RALYL: variants seen among roughly 807,000 people sequenced by gnomAD.
RALYL encodes RALY RNA binding protein like, also known as RNA-binding Raly-like protein.
RALYL carries 29 observed loss-of-function variants against 35.1 expected under a neutral mutation model. The ratio of observed to expected loss-of-function variants is 0.83; its 90% CI spans 0.61 to 1.13. The LOEUF (loss-of-function observed/expected upper bound fraction) is 1.13, where lower values mean the gene tolerates loss of function less well. Ranked by LOEUF, RALYL falls within the 50% of genes most tolerant of loss-of-function variation. The probability of loss-of-function intolerance (pLI) is 0.00; values close to 1 mark genes in which losing one functional copy is unlikely to be tolerated. For missense variants in RALYL, 359 were observed against 360.4 expected (o/e 1.00, Z 0.03); for synonymous variants, 120 against 127.6 (o/e 0.94, Z 0.40).
At chr8:84,503,975 G>A (rs1455114426) in intron 1 of RALYL, among the ~76,000 whole-genome samples, 4 of 152,006 alleles carry the variant, frequency 2.6e-5, no homozygotes, top group Non-Finnish European at 5.9e-5. Context: ...AATTCAGACA[G>A]ACATGAAATC....
chr8:84,664,780 G>T (rs1253820197), intron 2 of RALYL, among the ~76,000 whole-genome samples: 1 of 151,878 alleles, frequency 6.6e-6, no homozygotes, highest in Non-Finnish European at 1.5e-5. Context: ...AAACAGGGAT[G>T]GTTTGACTTC....
At chr8:84,354,768 T>C (rs1234508899) in intron 1 of RALYL, among the ~76,000 whole-genome samples, 2 of 150,164 alleles carry the variant, frequency 1.3e-5, no homozygotes, top group African/African-American at 5.0e-5. Context: ...GCTAAAAGCT[T>C]ATGTCTATTT....
chr8:84,618,017 G>A lies in RALYL; in HGVS notation c.256+88440G>A, dbSNP rs146884771. 3.8e-3 allele frequency among the ~76,000 whole-genome samples: 577 copies of A among 151,848 alleles called. 18 individuals are homozygous for A. Among genetic ancestry groups the A allele is most frequent in the African/African-American group, 0.013 (553 of 41,176 alleles). On this transcript the variant is annotated intron_variant, in intron 2 of 8. Coordinates refer to ENST00000521268, the MANE Select transcript of RALYL (RefSeq NM_173848.7). ...TGCCAGCATTTTATTGAGGATTTTT[G>A]CATTAATGTTCATCAAGGATATTGG...
intron 2 of RALYL, among the ~76,000 whole-genome samples, chr8:84,604,342 A>G (rs551391710): frequency 2.0e-4 from 30 of 151,838 alleles, no homozygotes; most frequent in African/African-American, 6.8e-4. Flanking sequence ...GTTTATCTCA[A>G]CCACTTTTAT....
intron 8 of RALYL, among the ~76,000 whole-genome samples, chr8:84,892,601 A>C (rs1181419315): frequency 1.3e-5 from 2 of 149,480 alleles, no homozygotes; most frequent in Non-Finnish European, 3.0e-5. Context: ...CAGAGCAAAA[A>C]CTCTGTCTTA....
chr8:84,798,846 GA>G (rs1822531427), intron 3 of RALYL, among the ~76,000 whole-genome samples: 1 of 152,150 alleles, frequency 6.6e-6, no homozygotes, highest in Non-Finnish European at 1.5e-5. Flanking sequence ...CAGGATGCGG[GA>G]AAGCAAAATG....
chr8:84,588,497 C>A, intron 2 of RALYL, among the ~76,000 whole-genome samples: 1 of 152,162 alleles, frequency 6.6e-6, no homozygotes, highest in South Asian at 2.1e-4. Flanking sequence ...TGTAACAGAG[C>A]AATGTTCTCT....
At chr8:84,691,025 A>C (rs1837933402) in intron 2 of RALYL, among the ~76,000 whole-genome samples, 1 of 152,148 alleles carries the variant, frequency 6.6e-6, no homozygotes. Flanking sequence ...AGGTTAAAAG[A>C]AAAAGAAATC....
chr8:84,269,119 T>G (rs185066326), intron 1 of RALYL, among the ~76,000 whole-genome samples: 1 of 152,314 alleles, frequency 6.6e-6, no homozygotes, highest in Admixed American at 6.5e-5. Flanking sequence ...ATTCATTATT[T>G]TTCTAAATAT....
At chr8:84,664,262 G>GT (rs750256632) in intron 2 of RALYL, among the ~76,000 whole-genome samples, 4 of 43,060 alleles carry the variant, frequency 9.3e-5, no homozygotes, top group Admixed American at 3.2e-4. Context: ...GATGCCTCTA[G>GT]ATTTTTTTTT....
chr8:84,383,617 G>T (rs1166635960), intron 1 of RALYL, among the ~76,000 whole-genome samples: 1 of 151,636 alleles, frequency 6.6e-6, no homozygotes, highest in East Asian at 1.9e-4. Context: ...GTGAAGAAAA[G>T]ATTGCACCCA....
At chr8:84,764,930 A>G (rs1813548444) in intron 2 of RALYL, among the ~76,000 whole-genome samples, 1 of 152,226 alleles carries the variant, frequency 6.6e-6, no homozygotes, top group African/African-American at 2.4e-5. Context: ...ATTTTCGCTC[A>G]AAATGCTACA....
chr8:84,473,148 A>G (rs1406417080), intron 1 of RALYL, among the ~76,000 whole-genome samples: 3 of 152,086 alleles, frequency 2.0e-5, no homozygotes, highest in South Asian at 2.1e-4. Flanking sequence ...TTATTTTTGA[A>G]GCTGACTAAA....
intron 2 of RALYL, among the ~76,000 whole-genome samples, chr8:84,562,765 G>A (rs975063776): frequency 2.0e-5 from 3 of 151,886 alleles, no homozygotes; most frequent in Admixed American, 6.6e-5. Context: ...TACTGAATCA[G>A]ATTCTGCATT....
chr8:84,757,843 T>C (rs1811790621), intron 2 of RALYL, among the ~76,000 whole-genome samples: 1 of 152,158 alleles, frequency 6.6e-6, no homozygotes, highest in Admixed American at 6.6e-5. Flanking sequence ...GTCATTAAGC[T>C]TTAAAAATTT....
intron 1 of RALYL, among the ~76,000 whole-genome samples, chr8:84,271,611 T>C (rs1353052833): frequency 6.6e-6 from 1 of 151,874 alleles, no homozygotes; most frequent in Non-Finnish European, 1.5e-5. Flanking sequence ...ATCTTGTGAA[T>C]GGGTGAATAA....
At chr8:84,239,538 CAT>C (rs2131547868) in intron 1 of RALYL, among the ~76,000 whole-genome samples, 1 of 152,196 alleles carries the variant, frequency 6.6e-6, no homozygotes, top group African/African-American at 2.4e-5. Flanking sequence ...GAAACTGAGA[CAT>C]AGGTTAATAG....
chr8:84,388,244 G>T (rs1156826982), intron 1 of RALYL, among the ~76,000 whole-genome samples: 1 of 152,034 alleles, frequency 6.6e-6, no homozygotes, highest in African/African-American at 2.4e-5. Flanking sequence ...GTCTATCATT[G>T]TTGGACATTT....
chr8:84,768,363 C>T (rs960582831), intron 2 of RALYL, among the ~76,000 whole-genome samples: 4 of 152,146 alleles, frequency 2.6e-5, no homozygotes, highest in East Asian at 1.9e-4. Flanking sequence ...AGGGACTGCT[C>T]GTTCATTCGA....
Sources: allele counts gnomAD v4.1 joint callset (sites outside exome capture counted in the v4.1 genomes callset), GRCh38; gene constraint gnomAD v4.1.1; transcripts MANE v1.5; gene names NCBI Gene and HGNC (gene_info 2026-07-23, HGNC 2026-07-21).